The following ANKS1B variants were observed in gnomAD, a reference collection of about 807,000 sequenced individuals.
ANKS1B encodes the protein ankyrin repeat and sterile alpha motif domain-containing protein 1B.
Under a neutral mutation model 148.3 loss-of-function variants are expected in ANKS1B, and 36 were observed. That is an observed-to-expected ratio of 0.24 (90% CI 0.19 to 0.32). The LOEUF (loss-of-function observed/expected upper bound fraction) is 0.32. ANKS1B is among the 10% of genes least tolerant of loss of function. The probability of loss-of-function intolerance (pLI) is 1.00; values close to 1 mark genes in which losing one functional copy is unlikely to be tolerated. For missense variants in ANKS1B, 1,157 were observed against 1,542.6 expected, an observed-to-expected ratio of 0.75 and a Z score of 4.19; for synonymous variants, 542 against 560.8, an observed-to-expected ratio of 0.97 and a Z score of 0.47.
chr12:99,443,287 G>A (rs1286948286), intron 11 of ANKS1B, among the ~76,000 whole-genome samples: 1 of 151,936 alleles, frequency 6.6e-6, no homozygotes, highest in Non-Finnish European at 1.5e-5. Flanking sequence ...TTGGAAGACA[G>A]AGAAATAATC....
chr12:99,674,124 C>A (rs1444035131), intron 8 of ANKS1B, among the ~76,000 whole-genome samples: 1 of 151,540 alleles, frequency 6.6e-6, no homozygotes, highest in Non-Finnish European at 1.5e-5. Context: ...TGTCAAGAGA[C>A]AAAGGAAAAT....
At chr12:99,304,359 C>T (rs78173292) in intron 12 of ANKS1B, among the ~76,000 whole-genome samples, 3,610 of 152,110 alleles carry the variant, frequency 0.024, 152 homozygotes, top group African/African-American at 0.082. Context: ...CTTCTTAACG[C>T]GGTAGTTCAC....
At chr12:99,209,665 T>G (rs2083099949) in intron 14 of ANKS1B, among the ~76,000 whole-genome samples, 1 of 152,178 alleles carries the variant, frequency 6.6e-6, no homozygotes, top group Admixed American at 6.5e-5. Context: ...GAGAACTTGA[T>G]GATTTCATGT....
At chr12:99,074,280 A>G (rs1031213612) in intron 16 of ANKS1B, among the ~76,000 whole-genome samples, 2 of 151,978 alleles carry the variant, frequency 1.3e-5, no homozygotes, top group Non-Finnish European at 2.9e-5. Context: ...AGTAAAAGTG[A>G]TATTTCAGCT....
chr12:99,260,402 T>C (rs917941025), intron 12 of ANKS1B, among the ~76,000 whole-genome samples: 1 of 152,230 alleles, frequency 6.6e-6, no homozygotes, highest in Non-Finnish European at 1.5e-5. Context: ...TGCATTCAAA[T>C]GTATCCTGTG....
At chr12:99,314,634 C>A (rs1480343564) in intron 12 of ANKS1B, among the ~76,000 whole-genome samples, 3 of 152,144 alleles carry the variant, frequency 2.0e-5, no homozygotes, top group African/African-American at 2.4e-5. Flanking sequence ...ACCATCTGAT[C>A]TTTGACAAGC....
chr12:99,318,575 G>A (rs191897341), intron 12 of ANKS1B, among the ~76,000 whole-genome samples: 7 of 151,942 alleles, frequency 4.6e-5, no homozygotes, highest in Non-Finnish European at 8.8e-5. Context: ...TCCATTATTA[G>A]TCTTGCTAGT....
At chr12:99,139,114 G>A (rs1180123427) in intron 15 of ANKS1B, among the ~76,000 whole-genome samples, 4 of 151,268 alleles carry the variant, frequency 2.6e-5, no homozygotes, top group Admixed American at 6.6e-5. Flanking sequence ...CAATCCTTGC[G>A]CCTCAGCCTC....
At chr12:99,198,461 G>T (rs1294589827) in intron 14 of ANKS1B, among the ~76,000 whole-genome samples, 1 of 152,164 alleles carries the variant, frequency 6.6e-6, no homozygotes, top group Admixed American at 6.6e-5. Context: ...CCACAAAAAT[G>T]TTGGAAATCA....
At chr12:99,186,238 G>T (rs767014727) in intron 14 of ANKS1B, among the ~76,000 whole-genome samples, 2 of 152,198 alleles carry the variant, frequency 1.3e-5, no homozygotes, top group African/African-American at 2.4e-5. Flanking sequence ...AGCAGCCCCA[G>T]TCAGGGCCTT....
At chr12:99,579,656 C>T (rs187660962) in intron 9 of ANKS1B, among the ~76,000 whole-genome samples, 1 of 152,086 alleles carries the variant, frequency 6.6e-6, no homozygotes, top group African/African-American at 2.4e-5. Flanking sequence ...GAAATACAAC[C>T]TCATATCAGT....
At chr12:99,637,771 T>C (rs1436028715) in intron 9 of ANKS1B, among the ~76,000 whole-genome samples, 2 of 148,758 alleles carry the variant, frequency 1.3e-5, no homozygotes, top group East Asian at 3.9e-4. Flanking sequence ...AGTTTAACAC[T>C]CCTTAATAAA....
intron 17 of ANKS1B, among the ~76,000 whole-genome samples, chr12:98,912,722 G>A (rs752867001): frequency 1.3e-5 from 2 of 152,104 alleles, no homozygotes; most frequent in Non-Finnish European, 2.9e-5. Context: ...AGCTTTTACC[G>A]GCAGATTAAG....
intron 9 of ANKS1B, among the ~76,000 whole-genome samples, chr12:99,652,660 T>C (rs2098428242): frequency 6.6e-6 from 1 of 152,120 alleles, no homozygotes; most frequent in African/African-American, 2.4e-5. Context: ...ACTTACAAAA[T>C]ACAGATTTTA....
At chr12:99,561,100 C>T (rs1354442992) in intron 9 of ANKS1B, among the ~76,000 whole-genome samples, 1 of 152,060 alleles carries the variant, frequency 6.6e-6, no homozygotes, top group Non-Finnish European at 1.5e-5. Flanking sequence ...CCCGCCTCGG[C>T]CTCCCAAAGT....
chr12:99,224,187 T>C lies in ANKS1B; in HGVS notation c.2419+20155A>G, dbSNP rs1050035733. Among the ~76,000 whole-genome samples the C allele has an allele frequency of 9.2e-5, 14 of 152,216 alleles. No homozygotes were observed. The East Asian group carries it at 2.7e-3, about 29-fold the overall frequency. On this transcript the variant is annotated intron_variant, in intron 14 of 26. Transcript: ENST00000683438. ...TTTTATTCAGTGCTTATAAACTGTA[T>C]TCAATTGCATGGAGAAAAAAGAATA...
At position 99,246,381 on chromosome 12, in the gene ANKS1B, G is replaced by A; in HGVS notation, c.2240C>T (p.Ser747Phe). ...KSDSDLIAYP[S>F]NEKTSRVNWS... is the part of the protein sequence containing the mutation. Reference sequence around the variant, plus strand: ...GTTAACTCTTGATGTTTTCTCATTGGAAGGATAGGCAATGAGATCAGAATC... The same window carrying A: ...GTTAACTCTTGATGTTTTCTCATTGAAAGGATAGGCAATGAGATCAGAATC... The change falls in exon 13 of 27, where the codon TCC becomes TTC. Residue 747 changes from serine to phenylalanine, a missense_variant. Ser to Phe is a radical substitution (Grantham distance 155). Coordinates refer to ENST00000683438, the MANE Select transcript of ANKS1B (RefSeq NM_001352186.2). 6.2e-7 allele frequency: 1 copy of A among 1,613,592 alleles called. No individual in the cohort carries two copies. Among genetic ancestry groups the A allele is most frequent in the African/African-American group, 1.3e-5 (1 of 74,978 alleles).
At chr12:99,365,734 C>A (rs1188284440) in intron 12 of ANKS1B, among the ~76,000 whole-genome samples, 1 of 151,996 alleles carries the variant, frequency 6.6e-6, no homozygotes, top group Non-Finnish European at 1.5e-5. Context: ...GAGTCAGAAG[C>A]AACTTAGCGG....
intron 17 of ANKS1B, among the ~76,000 whole-genome samples, chr12:99,034,604 C>T (rs1026409750): frequency 6.6e-6 from 1 of 152,214 alleles, no homozygotes; most frequent in African/African-American, 2.4e-5. Context: ...GCATGAGCCA[C>T]TGCACCTGAC....
Sources: gnomAD v4.1 joint callset for allele counts (sites outside exome capture counted in the v4.1 genomes callset) on GRCh38, gnomAD v4.1.1 for gene constraint, MANE v1.5 for transcripts, NCBI Gene and HGNC (gene_info 2026-07-23, HGNC 2026-07-21) for gene names.